Variants in PXT1 observed in about 807,000 individuals in gnomAD.
PXT1 encodes peroxisomal testis enriched protein 1.
A neutral mutation model predicts 11.0 loss-of-function variants in PXT1; 11 were observed. That is an observed-to-expected ratio of 1.00 (90% CI 0.63 to 1.66). The LOEUF (loss-of-function observed/expected upper bound fraction) is 1.66. Ranked by LOEUF, PXT1 falls within the 40% of genes most tolerant of loss-of-function variation. PXT1 has a pLI of 0.00. For missense variants in PXT1, 141 were observed against 155.5 expected, an observed-to-expected ratio of 0.91 and a Z score of 0.49; for synonymous variants, 43 against 51.4, an observed-to-expected ratio of 0.84 and a Z score of 0.70.
intron 2 of PXT1, among the ~76,000 whole-genome samples, chr6:36,435,570 GA>G (rs929231847): frequency 1.6e-4 from 25 of 151,876 alleles, no homozygotes; most frequent in African/African-American, 6.1e-4. Flanking sequence ...CCTAAGAAAA[GA>G]AAAGAAACAA....
chr6:36,442,358 C>T (rs1218457699), intron 1 of PXT1, among the ~76,000 whole-genome samples, 177 bp downstream of exon 1: 1 of 152,150 alleles, frequency 6.6e-6, no homozygotes, highest in African/African-American at 2.4e-5. Flanking sequence ...ACAAAAGCCA[C>T]TAGAAACCGT....
rs192615974 is a variant in PXT1, at chr6:36,412,719, C to T, written c.170-12135G>A. Among the ~76,000 whole-genome samples, 13 of 150,258 alleles carry T rather than the reference C, an allele frequency of 8.7e-5. No homozygotes were observed. The East Asian group carries it at 2.6e-3, about 30-fold the overall frequency. On this transcript the variant is annotated intron_variant, in intron 3 of 4. Transcript: ENST00000454782. ...CAAGCGATCCTTTCATCTTGGCCTC[C>T]CAAAGTGCTGGGATTACAGGCATGA...
intron 2 of PXT1, among the ~76,000 whole-genome samples, chr6:36,438,361 C>T (rs1422189591): frequency 1.3e-5 from 2 of 152,166 alleles, no homozygotes; most frequent in Non-Finnish European, 2.9e-5. Context: ...GGCAATGTTT[C>T]ATGCCTCATT....
At chr6:36,430,904 T>G (rs985024935) in intron 2 of PXT1, among the ~76,000 whole-genome samples, 1 of 152,202 alleles carries the variant, frequency 6.6e-6, no homozygotes, top group South Asian at 2.1e-4. Flanking sequence ...AACTTCCACC[T>G]CCCAGGCTCA....
At chr6:36,440,674 A>G (rs1307143715) in intron 1 of PXT1, among the ~76,000 whole-genome samples, 3 of 152,126 alleles carry the variant, frequency 2.0e-5, no homozygotes, top group African/African-American at 7.2e-5. Flanking sequence ...ATAAAATGAT[A>G]AAAACCAGCA....
At chr6:36,425,800 C>CAAACAAACAAACAAAAAA (rs1554154117) in intron 3 of PXT1, 114 bp downstream of exon 3, 6 of 215,662 alleles carry the variant, frequency 2.8e-5, no homozygotes, top group African/African-American at 2.0e-4. Flanking sequence ...AAAACAAAAA[C>CAAACAAACAAACAAAAAA]AAAAAATATA....
At position 36,442,525 on chromosome 6, in the gene PXT1, T is replaced by C. The variant is rs1423326078; in HGVS notation, c.-130+10A>G. ...TAAAATTTGTAATACACCTTTGTAA[T>C]AGCAGGTACCTTCATGAAACTCAGT... On this transcript the variant is annotated intron_variant, in intron 1 of 4. Coordinates refer to ENST00000454782, the MANE Select transcript of PXT1 (RefSeq NM_152990.4). 2.0e-5 allele frequency: 3 copies of C among 152,218 alleles called. No homozygotes were observed. Among genetic ancestry groups the C allele is most frequent in the Non-Finnish European group, 4.4e-5 (3 of 68,038 alleles). 9.4% of individuals were successfully genotyped at this position (152,218 alleles called of 1,614,324 possible).
chr6:36,426,660 G>C (rs574495481), intron 2 of PXT1, among the ~76,000 whole-genome samples: 25 of 152,264 alleles, frequency 1.6e-4, no homozygotes, highest in South Asian at 6.2e-4. Flanking sequence ...GTGAGCCACA[G>C]CACCTGGCCT....
chr6:36,428,626 A>T (rs1376668148), intron 2 of PXT1, among the ~76,000 whole-genome samples: 3 of 152,178 alleles, frequency 2.0e-5, no homozygotes, highest in Non-Finnish European at 4.4e-5. Context: ...AACTATCAAG[A>T]ATGTTGGATT....
intron 3 of PXT1, among the ~76,000 whole-genome samples, chr6:36,401,117 A>AT (rs1774207253): frequency 1.3e-5 from 2 of 152,176 alleles, no homozygotes; most frequent in Admixed American, 1.3e-4. Context: ...ATCAGGTAAA[A>AT]TTAATTTTAG....
chr6:36,412,546 G>C (rs1458270360), intron 3 of PXT1, among the ~76,000 whole-genome samples: 1 of 151,866 alleles, frequency 6.6e-6, no homozygotes, highest in East Asian at 1.9e-4. Context: ...TGTAGTCCCA[G>C]CTACTCGGGA....
chr6:36,429,725 G>C (rs1254971242), intron 2 of PXT1, among the ~76,000 whole-genome samples: 3 of 150,670 alleles, frequency 2.0e-5, no homozygotes, highest in Non-Finnish European at 3.0e-5. Context: ...TGCTGGTCTC[G>C]AACTCCTGAC....
At chr6:36,435,646 A>T (rs1260209481) in intron 2 of PXT1, among the ~76,000 whole-genome samples, 1 of 152,156 alleles carries the variant, frequency 6.6e-6, no homozygotes, top group Non-Finnish European at 1.5e-5. Context: ...AAAGGCCCAG[A>T]ACAACAAATG....
At chr6:36,439,656 A>C (rs1018312714) in intron 1 of PXT1, among the ~76,000 whole-genome samples, 26 of 149,332 alleles carry the variant, frequency 1.7e-4, no homozygotes, top group Admixed American at 1.6e-3. Context: ...AAAAAAAAAA[A>C]AAAAAACAAC....
intron 3 of PXT1, 65 bp from the exon 4 acceptor site, chr6:36,400,649 A>C: frequency 6.7e-7 from 1 of 1,498,092 alleles, no homozygotes; most frequent in Non-Finnish European, 9.0e-7. Flanking sequence ...ATCACTTACC[A>C]CTAGTTACTA....
intron 3 of PXT1, among the ~76,000 whole-genome samples, chr6:36,400,850 A>T (rs1774203484): frequency 6.6e-6 from 1 of 152,100 alleles, no homozygotes; most frequent in South Asian, 2.1e-4. Flanking sequence ...GGTGCCTGTA[A>T]TCCCTGCTAC....
At chr6:36,398,900 G>C (rs897044916) in intron 4 of PXT1, among the ~76,000 whole-genome samples, 2 of 152,034 alleles carry the variant, frequency 1.3e-5, no homozygotes, top group African/African-American at 2.4e-5. Flanking sequence ...TGTCTGACTT[G>C]GCTATTTATT....
chr6:36,436,918 G>A (rs1774772767), intron 2 of PXT1, among the ~76,000 whole-genome samples: 1 of 152,240 alleles, frequency 6.6e-6, no homozygotes, highest in Non-Finnish European at 1.5e-5. Context: ...TTCAACTAGG[G>A]TGTACTAGTC....
intron 3 of PXT1, among the ~76,000 whole-genome samples, chr6:36,424,434 G>C (rs1312596393): frequency 6.7e-6 from 1 of 149,784 alleles, no homozygotes; most frequent in Non-Finnish European, 1.5e-5. Flanking sequence ...GAGGTCAGGA[G>C]ATCAAGACCA....
Sources: allele counts gnomAD v4.1 joint callset (sites outside exome capture counted in the v4.1 genomes callset), GRCh38; gene constraint gnomAD v4.1.1; transcripts MANE v1.5; gene names NCBI Gene and HGNC (gene_info 2026-07-23, HGNC 2026-07-21).